PUDP: variants seen among roughly 807,000 people sequenced by gnomAD.
PUDP encodes pseudouridine 5'-phosphatase.
In PUDP, 8 loss-of-function variants were observed where a neutral mutation model predicts 9.4. The observed-to-expected ratio is 0.85, with a 90% CI of 0.50 to 1.53. The LOEUF (loss-of-function observed/expected upper bound fraction) is 1.53, where lower values mean the gene tolerates loss of function less well. Among genes scored for constraint, PUDP ranks in the 40% most tolerant of loss-of-function variants. The pLI is 0.00. For missense variants in PUDP, 188 were observed against 189.7 expected (o/e 0.99, Z 0.05); for synonymous variants, 99 against 80.7 (o/e 1.23, Z -1.22).
At chrX:6,923,009 T>C (rs6639713) in intron 3 of PUDP, among the ~76,000 whole-genome samples, 22,938 of 111,041 alleles carry the variant, frequency 0.21, 1,903 homozygotes, top group Admixed American at 0.35. Context: ...CCCCAATCAC[T>C]TCCCCACCAC....
At chrX:7,043,076 A>G (rs1369701419) in intron 1 of PUDP, among the ~76,000 whole-genome samples, 1 of 110,913 alleles carries the variant, frequency 9.0e-6, no homozygotes. Flanking sequence ...TTGCTTTTTT[A>G]CCCCCAGAAC....
intron 1 of PUDP, among the ~76,000 whole-genome samples, chrX:6,716,276 A>C (rs1389289843): frequency 8.9e-6 from 1 of 111,765 alleles, no homozygotes; most frequent in Non-Finnish European, 1.9e-5. Context: ...CTTACTTGTG[A>C]AGATAATGTG....
chrX:7,140,153 C>CA (rs770553748), intron 1 of PUDP, among the ~76,000 whole-genome samples: 3 of 111,921 alleles, frequency 2.7e-5, no homozygotes, highest in South Asian at 3.7e-4. Context: ...ACTATGTCTT[C>CA]AAAAAAATGC....
At chrX:6,862,483 C>T (rs942518973) in intron 3 of PUDP, among the ~76,000 whole-genome samples, 1 of 112,072 alleles carries the variant, frequency 8.9e-6, no homozygotes, top group Admixed American at 9.5e-5. Context: ...TTTCCAACAA[C>T]TTTTTTTTCA....
chrX:7,073,129 G>A (rs1467440524), intron 3 of PUDP, among the ~76,000 whole-genome samples: 1 of 111,717 alleles, frequency 9.0e-6, no homozygotes, highest in African/African-American at 3.3e-5. Context: ...CACAGTGGGC[G>A]GGTGCTTTCA....
intron 3 of PUDP, among the ~76,000 whole-genome samples, chrX:6,895,607 T>C (rs981293664): frequency 5.4e-5 from 6 of 110,874 alleles, no homozygotes; most frequent in Non-Finnish European, 9.4e-5. Flanking sequence ...CCCCAAGGAA[T>C]GAGTCAAATT....
chrX:6,774,438 C>G (rs1162045594), intron 3 of PUDP, among the ~76,000 whole-genome samples: 1 of 112,020 alleles, frequency 8.9e-6, no homozygotes, highest in African/African-American at 3.2e-5. Flanking sequence ...CCAACATTTT[C>G]TAAACCACTT....
At chrX:6,988,171 T>C (rs1221691245) in intron 1 of PUDP, among the ~76,000 whole-genome samples, 1 of 112,116 alleles carries the variant, frequency 8.9e-6, no homozygotes, top group African/African-American at 3.2e-5. Flanking sequence ...AAAAGGCAGA[T>C]TTTCAAAGAC....
intron 3 of PUDP, among the ~76,000 whole-genome samples, chrX:6,918,157 CTCT>C (rs1795860864): frequency 8.9e-6 from 1 of 112,231 alleles, no homozygotes; most frequent in Admixed American, 9.5e-5. Context: ...CTGCTCTTGA[CTCT>C]TCTTTGATTT....
At chrX:6,827,420 GA>G (rs1421892767) in intron 3 of PUDP, among the ~76,000 whole-genome samples, 1 of 111,704 alleles carries the variant, frequency 9.0e-6, no homozygotes, top group African/African-American at 3.3e-5. Flanking sequence ...CCCTCTAGAG[GA>G]TTCTATTGGT....
intron 3 of PUDP, among the ~76,000 whole-genome samples, chrX:6,817,332 C>A (rs1367813687): frequency 9.0e-6 from 1 of 111,053 alleles, no homozygotes; most frequent in Non-Finnish European, 1.9e-5. Context: ...CTTGGCCTCC[C>A]AAAGTGCTGG....
intron 1 of PUDP, among the ~76,000 whole-genome samples, chrX:7,031,043 C>T (rs1284751085): frequency 9.0e-6 from 1 of 111,190 alleles, no homozygotes; most frequent in Non-Finnish European, 1.9e-5. Flanking sequence ...CCTGATGTTG[C>T]CATGGCATTT....
chrX:6,886,326 A>G (rs114301741), intron 3 of PUDP, among the ~76,000 whole-genome samples: 2,408 of 112,413 alleles, frequency 0.021, 67 homozygotes, highest in African/African-American at 0.072. Context: ...CAATGAGTTT[A>G]ATTATAATGC....
At chrX:7,147,980 G>C in intron 1 of PUDP, 73 bp downstream of exon 1, 7 of 831,312 alleles carry the variant, frequency 8.4e-6, no homozygotes, top group Non-Finnish European at 1.2e-5. Context: ...AGGCCGTGAC[G>C]TACCCCGCGC....
At chrX:6,742,100 C>T (rs999000418) in intron 3 of PUDP, among the ~76,000 whole-genome samples, 3 of 111,514 alleles carry the variant, frequency 2.7e-5, no homozygotes, top group African/African-American at 9.9e-5. Flanking sequence ...GTGATCTGCC[C>T]GCCTCGGACT....
intron 3 of PUDP, among the ~76,000 whole-genome samples, chrX:6,825,872 G>T (rs1021231853): frequency 1.3e-4 from 14 of 111,202 alleles, no homozygotes; most frequent in South Asian, 3.9e-4. Context: ...TTATAGGTTG[G>T]TTTATACCTA....
chrX:6,808,086 A>T (rs1362089686), intron 3 of PUDP, among the ~76,000 whole-genome samples: 5 of 111,581 alleles, frequency 4.5e-5, no homozygotes, highest in Non-Finnish European at 9.4e-5. Context: ...TTTTAGAGTT[A>T]GGCAAACCTA....
chrX:6,727,415 C>G (rs984290818), intron 3 of PUDP, among the ~76,000 whole-genome samples: 1 of 111,839 alleles, frequency 8.9e-6, no homozygotes, highest in African/African-American at 3.2e-5. Flanking sequence ...AAAATTTAGA[C>G]TAACTAAAAA....
At chrX:7,076,782 C>A (rs1469442531) in intron 3 of PUDP, among the ~76,000 whole-genome samples, 1 of 112,164 alleles carries the variant, frequency 8.9e-6, no homozygotes, top group African/African-American at 3.2e-5. Flanking sequence ...ACTGCAGCAA[C>A]CAACGAGCAC....
Sources: gnomAD v4.1 joint callset for allele counts (sites outside exome capture counted in the v4.1 genomes callset) on GRCh38, gnomAD v4.1.1 for gene constraint, MANE v1.5 for transcripts, NCBI Gene and HGNC (gene_info 2026-07-23, HGNC 2026-07-21) for gene names.